PKIG: variants seen among roughly 807,000 people sequenced by gnomAD.
PKIG encodes cAMP-dependent protein kinase inhibitor gamma.
Under a neutral mutation model 6.8 loss-of-function variants are expected in PKIG, and 1 was observed. The observed-to-expected ratio is 0.15, with a 90% CI of 0.05 to 0.69. PKIG has a LOEUF of 0.69. Ranked by LOEUF, PKIG falls within the 30% of genes least tolerant of loss-of-function variation. The pLI, the probability that PKIG is intolerant of heterozygous loss-of-function variation, is 0.82. For synonymous variants in PKIG, 39 were observed against 43.0 expected (o/e 0.91, Z 0.36); for missense variants, 77 against 104.0 (o/e 0.74, Z 1.13).
intron 1 of PKIG, among the ~76,000 whole-genome samples, chr20:44,577,176 C>T (rs1282758963): frequency 6.6e-6 from 1 of 152,016 alleles, no homozygotes; most frequent in African/African-American, 2.4e-5. Flanking sequence ...GTGGCATGAT[C>T]TCATCTCACT....
At chr20:44,552,647 G>T (rs1480951169) in intron 1 of PKIG, among the ~76,000 whole-genome samples, 1 of 152,126 alleles carries the variant, frequency 6.6e-6, no homozygotes, top group Non-Finnish European at 1.5e-5. Context: ...TGTGCGCCAG[G>T]TTCCTTATCT....
chr20:44,586,876 A>G (rs2123366780), intron 1 of PKIG, among the ~76,000 whole-genome samples: 1 of 152,360 alleles, frequency 6.6e-6, no homozygotes, highest in African/African-American at 2.4e-5. Context: ...CACATAATGT[A>G]TCCGCTCTTA....
At chr20:44,580,013 G>T (rs904853836), upstream of PKIG, among the ~76,000 whole-genome samples, 6 of 152,196 alleles carry the variant, frequency 3.9e-5, no homozygotes, top group Non-Finnish European at 5.9e-5. Context: ...ATTACTCATC[G>T]TGACATTCTG....
chr20:44,541,167 A>T (rs1046549289), intron 1 of PKIG, among the ~76,000 whole-genome samples: 4 of 152,236 alleles, frequency 2.6e-5, no homozygotes, highest in African/African-American at 9.6e-5. Context: ...TAGGCTTAGG[A>T]CATGAGCAGT....
Position 44,610,498 on chromosome 20 carries a change from T to TCACACACACACA in PKIG, c.-23-4035_-23-4034insACACACACACAC, listed in dbSNP as rs1379954369. Among the ~76,000 whole-genome samples the TCACACACACACA allele has an allele frequency of 3.5e-3, 416 of 119,558 alleles. 2 individuals carry two copies. Among genetic ancestry groups the TCACACACACACA allele is most frequent in the African/African-American group, 0.014 (401 of 29,418 alleles). 78.4% of individuals were successfully genotyped at this position (119,558 alleles called of 152,430 possible). ...TCTCTCTCTCTCTTCTCTCTCTCTC[T>TCACACACACACA]CTCACACACACACACACACACACAC... On this transcript the variant is annotated intron_variant, in intron 2 of 3. Transcript: ENST00000372886.
At chr20:44,559,501 T>C (rs2064748009) in intron 1 of PKIG, among the ~76,000 whole-genome samples, 1 of 152,198 alleles carries the variant, frequency 6.6e-6, no homozygotes, top group Non-Finnish European at 1.5e-5. Flanking sequence ...TCATCCTGTT[T>C]TAGCTGAAGC....
chr20:44,594,354 G>C (rs1239482134), intron 2 of PKIG, among the ~76,000 whole-genome samples: 1 of 152,214 alleles, frequency 6.6e-6, no homozygotes, highest in African/African-American at 2.4e-5. Context: ...CTGAGGTTCA[G>C]AGAGGTCAGG....
chr20:44,593,072 T>A (rs2065046251), intron 2 of PKIG, among the ~76,000 whole-genome samples: 1 of 151,966 alleles, frequency 6.6e-6, no homozygotes, highest in African/African-American at 2.4e-5. Context: ...ACATGGTGAC[T>A]CACACCTGTA....
At position 44,543,387 on chromosome 20, in the gene PKIG, A is replaced by G. The variant is rs1422595351; in HGVS notation, c.-241+11409A>G. Reference sequence around the variant, plus strand: ...AACTCAATATTTGCAAACTTACTCTATAGTAAGTTCTTTATCAGGCCTCGT... The same window carrying G: ...AACTCAATATTTGCAAACTTACTCTGTAGTAAGTTCTTTATCAGGCCTCGT... On this transcript the variant is annotated intron_variant, in intron 1 of 4. Transcript: ENST00000372887. Among the ~76,000 whole-genome samples, 5 of 151,926 alleles carry G rather than the reference A, an allele frequency of 3.3e-5. No homozygotes were observed. In the South Asian group the frequency reaches 6.2e-4, roughly 19 times the overall value.
At chr20:44,548,897 CACACACAT>C (rs200998961) in intron 1 of PKIG, among the ~76,000 whole-genome samples, 7,920 of 116,272 alleles carry the variant, frequency 0.068, 506 homozygotes, top group African/African-American at 0.21. Flanking sequence ...CACACACACA[CACACACAT>C]ATATCTGTCT....
chr20:44,554,828 G>C (rs575387919), intron 1 of PKIG, among the ~76,000 whole-genome samples: 1 of 152,296 alleles, frequency 6.6e-6, no homozygotes, highest in East Asian at 1.9e-4. Context: ...CTTCTGAAAA[G>C]GGCAGGGGGC....
intron 1 of PKIG, among the ~76,000 whole-genome samples, chr20:44,568,472 CT>C (rs577898928): frequency 9.5e-4 from 139 of 145,726 alleles, no homozygotes; most frequent in Non-Finnish European, 9.4e-4. Context: ...TAAAGTGAGA[CT>C]TTTTTTTTTT....
upstream of PKIG, among the ~76,000 whole-genome samples, chr20:44,579,901 T>G (rs1460653937): frequency 6.6e-6 from 1 of 152,208 alleles, no homozygotes; most frequent in Admixed American, 6.5e-5. Context: ...CTCAGTCTTC[T>G]GGAATAAAGG....
chr20:44,570,166 A>G (rs897207457), intron 1 of PKIG, among the ~76,000 whole-genome samples: 13 of 152,190 alleles, frequency 8.5e-5, no homozygotes, highest in African/African-American at 2.9e-4. Flanking sequence ...ACAACAAAAC[A>G]TGGACTGTGA....
At chr20:44,586,016 G>C (rs778389517) in intron 1 of PKIG, among the ~76,000 whole-genome samples, 50 of 152,220 alleles carry the variant, frequency 3.3e-4, no homozygotes, top group Non-Finnish European at 6.8e-4. Context: ...CTTGAGTTCA[G>C]TGAGAAATTG....
At chr20:44,612,300 A>C (rs932187400) in intron 2 of PKIG, among the ~76,000 whole-genome samples, 1 of 151,918 alleles carries the variant, frequency 6.6e-6, no homozygotes, top group Admixed American at 6.6e-5. Flanking sequence ...ATAGGCTGCT[A>C]TTACTGACCA....
chr20:44,567,974 C>T (rs114463119), intron 1 of PKIG, among the ~76,000 whole-genome samples: 100 of 152,172 alleles, frequency 6.6e-4, no homozygotes, highest in African/African-American at 2.4e-3. Flanking sequence ...GGTGAACCCC[C>T]GTCTCACAAA....
chr20:44,577,545 T>C (rs1479384557), intron 1 of PKIG, among the ~76,000 whole-genome samples: 3 of 152,242 alleles, frequency 2.0e-5, no homozygotes, highest in Non-Finnish European at 4.4e-5. Context: ...CTGTATTTTC[T>C]TATCTTTTTA....
intron 1 of PKIG, among the ~76,000 whole-genome samples, chr20:44,560,217 A>C (rs2064754603): frequency 6.6e-6 from 1 of 152,046 alleles, no homozygotes; most frequent in African/African-American, 2.4e-5. Flanking sequence ...GCCACTGCAC[A>C]GGAGCCTAGG....
Sources: allele counts gnomAD v4.1 joint callset (sites outside exome capture counted in the v4.1 genomes callset), GRCh38; gene constraint gnomAD v4.1.1; transcripts MANE v1.5; gene names NCBI Gene and HGNC (gene_info 2026-07-23, HGNC 2026-07-21).